The following ZNF701 variants were observed in gnomAD, a reference collection of about 807,000 sequenced individuals.
ZNF701 encodes zinc finger protein 701.
Under a neutral mutation model 7.1 loss-of-function variants are expected in ZNF701, and 6 were observed. The ratio of observed to expected loss-of-function variants is 0.84; its 90% CI spans 0.46 to 1.66. ZNF701 has a LOEUF of 1.66. ZNF701 is among the 40% of genes most tolerant of loss of function. The pLI is 0.01. For missense variants in ZNF701, 541 were observed against 559.2 expected (o/e 0.97, Z 0.33); for synonymous variants, 166 against 188.2 (o/e 0.88, Z 0.97).
chr19:52,591,954 G>GA (rs66635037), downstream of ZNF701: 43 of 452,314 alleles, frequency 9.5e-5, no homozygotes, highest in South Asian at 1.2e-3. Flanking sequence ...CAACTATACA[G>GA]AAAAAACTGT....
downstream of ZNF701, among the ~76,000 whole-genome samples, chr19:52,590,105 T>TTG (rs1377107776): frequency 4.5e-5 from 5 of 111,888 alleles, no homozygotes; most frequent in African/African-American, 1.8e-4. Flanking sequence ...GTTTTTTTTA[T>TTG]TGTTTTTTTT....
At chr19:52,595,752 A>T in the ZNF701 span, 5 of 1,585,648 alleles carry the variant, frequency 3.2e-6, no homozygotes, top group Non-Finnish European at 3.5e-6. Flanking sequence ...ATCAAGAAAG[A>T]TATTCATCAC....
At chr19:52,593,664 G>C in the ZNF701 span, among the ~76,000 whole-genome samples, 8 of 110,224 alleles carry the variant, frequency 7.3e-5, 2 homozygotes, top group South Asian at 2.5e-3. Context: ...GGGCGGAGGG[G>C]CTTCTCACTT....
intron 3 of ZNF701, among the ~76,000 whole-genome samples, chr19:52,577,583 G>C (rs768733634): frequency 6.6e-6 from 1 of 151,654 alleles, no homozygotes; most frequent in African/African-American, 2.4e-5. Flanking sequence ...GTGCTGAAGG[G>C]ACATGGTGAG....
chr19:52,592,163 A>T (rs7259768), downstream of ZNF701: 443,225 of 1,519,840 alleles, frequency 0.29, 65,990 homozygotes, highest in Admixed American at 0.37. Flanking sequence ...AAATGCCTGA[A>T]CCCTGCACAG....
At chr19:52,580,281 G>A (rs1419298937) in intron 3 of ZNF701, among the ~76,000 whole-genome samples, 1 of 151,950 alleles carries the variant, frequency 6.6e-6, no homozygotes, top group African/African-American at 2.4e-5. Context: ...TTATTTCTGT[G>A]TATGTTGCAT....
chr19:52,573,060 A>G, intron 1 of ZNF701: 1 of 202,568 alleles, frequency 4.9e-6, no homozygotes, highest in South Asian at 7.4e-5. Context: ...TGTCAGTCAC[A>G]TCAGAAACAC....
At chr19:52,573,261 T>C (rs533513039) in intron 1 of ZNF701, 1 of 153,476 alleles carries the variant, frequency 6.5e-6, no homozygotes, top group African/African-American at 2.4e-5. Flanking sequence ...TTATTTTATT[T>C]TTGAGTCTTA....
chr19:52,582,255 A>G lies in ZNF701; in HGVS notation c.196A>G (p.Thr66Ala), dbSNP rs138860824. ...GTTCTCATCAACAGGACAAGGCAATACAGAAGTGGTCCACACAGGGACATT... is the reference window on the plus strand; with the variant it reads ...GTTCTCATCAACAGGACAAGGCAATGCAGAAGTGGTCCACACAGGGACATT... ...KMFSSTGQGN[T>A]EVVHTGTLQI... Residue 66 changes from threonine (T) to alanine (A), a missense_variant, in exon 4 of 4, where the codon ACA (threonine) becomes GCA (alanine). Transcript: ENST00000391785. The G allele has an allele frequency of 3.7e-6, 6 of 1,608,748 alleles. No individual in the cohort carries two copies. In the African/African-American group the frequency reaches 8.0e-5, roughly 22 times the overall value.
In ZNF701 at chr19:52,585,577, TAACAAAAGAATGAAGC is replaced by T; in HGVS notation, c.*2121_*2136del. Reference sequence around the variant, plus strand: ...AGAAAAAAAAAAAAACCCCACAAAGTAACAAAAGAATGAAGCGGCGAAAGCAGAAATTTACTCAACC... The same window carrying T: ...AGAAAAAAAAAAAAACCCCACAAAGTGGCGAAAGCAGAAATTTACTCAACC... On this transcript the variant is annotated 3_prime_UTR_variant, in exon 4 of 4. Transcript: ENST00000391785. The T allele has an allele frequency of 6.8e-6, 1 of 147,192 alleles. No individual in the cohort carries two copies. The highest frequency in any genetic ancestry group is 2.0e-4 in the East Asian group (1 of 5,066). The allele number at this position is 147,192 out of a possible 1,614,324, so 9.1% of individuals were successfully genotyped here. A position where few individuals can be genotyped will look rare whatever the true frequency, so the allele number is the denominator to read the frequency against.
chr19:52,579,956 T>A (rs866141981), intron 3 of ZNF701, among the ~76,000 whole-genome samples: 1 of 143,052 alleles, frequency 7.0e-6, no homozygotes, highest in South Asian at 2.1e-4. Flanking sequence ...TATTATTATT[T>A]TTTTAGATGG....
the ZNF701 span, chr19:52,592,182 A>T: frequency 1.5e-4 from 235 of 1,562,590 alleles, no homozygotes; most frequent in Middle Eastern, 5.0e-4. Flanking sequence ...AGAGGGCTTT[A>T]TACAGGGAAG....
chr19:52,576,870 G>A (rs945484376), intron 3 of ZNF701, among the ~76,000 whole-genome samples: 2 of 152,182 alleles, frequency 1.3e-5, no homozygotes, highest in African/African-American at 4.8e-5. Context: ...AAGGGCCCTG[G>A]ACTGTGGAGA....
chr19:52,596,136 A>G, the ZNF701 span: 1 of 809,982 alleles, frequency 1.2e-6, no homozygotes, highest in Non-Finnish European at 2.1e-6. Context: ...GAGTGTGGCA[A>G]AGCCTTTAAT....
In ZNF701 at chr19:52,583,263, G is replaced by T; in HGVS notation, c.1204G>T (p.Val402Phe). Residue 402 changes from valine (V) to phenylalanine (F), a missense_variant, in exon 4 of 4, where the codon GTC becomes TTC. Coordinates refer to ENST00000391785, the MANE Select transcript of ZNF701 (RefSeq NM_018260.3). ...AAATTCATCTCTTGTAATGCATAAG[G>T]TCATTCATACTGGAGAGAAACGTTA... ...VQNSSLVMHK[V>F]IHTGEKRYKC... 1 of 1,609,654 alleles carries T rather than the reference G, an allele frequency of 6.2e-7. No homozygotes were observed. The highest frequency in any genetic ancestry group is 8.5e-7 in the Non-Finnish European group (1 of 1,176,950).
At chr19:52,575,424 TGTGA>T (rs903989470) in intron 2 of ZNF701, among the ~76,000 whole-genome samples, 13 of 150,828 alleles carry the variant, frequency 8.6e-5, no homozygotes, top group African/African-American at 2.7e-4. Flanking sequence ...CGTGGTTTTT[TGTGA>T]GTGTGTGTAG....
rs375222297 is a variant in ZNF701 at position 52,582,839 on chromosome 19, C to G, written c.780C>G (p.Cys260Trp). ...KDFHQKRYLACHRCHTGENPY... is the reference protein window; with the variant it reads ...KDFHQKRYLAWHRCHTGENPY... The stretch of plus-strand genomic sequence containing the variant: ...TTCATCAGAAGCGATACCTTGCATG[C>G]CATAGATGTCACACTGGTGAGAATC... Residue 260 changes from cysteine to tryptophan, a missense_variant, in exon 4 of 4, where the codon TGC (cysteine) becomes TGG (tryptophan). Coordinates refer to ENST00000391785, the MANE Select transcript of ZNF701 (RefSeq NM_018260.3). 1.9e-6 allele frequency: 3 copies of G among 1,613,988 alleles called. No homozygotes were observed. Among genetic ancestry groups the G allele is most frequent in the Non-Finnish European group, 2.5e-6 (3 of 1,180,020 alleles).
At chr19:52,588,686 CT>C, downstream of ZNF701, 1 of 285,546 alleles carries the variant, frequency 3.5e-6, no homozygotes, top group Non-Finnish European at 7.0e-6. Context: ...GGTAGCCAGT[CT>C]TCTGTGATTC....
Position 52,583,471 on chromosome 19 carries a change from C to T in ZNF701, c.*14C>T. On this transcript the variant is annotated 3_prime_UTR_variant, in exon 4 of 4. Coordinates refer to ENST00000391785, the MANE Select transcript of ZNF701 (RefSeq NM_018260.3). ...AAGAAATCTTAGAAGTGTAAATTTG[C>T]AAGGTTTTTAGGCAACAGTCAAACC... 1 of 1,609,334 alleles carries T rather than the reference C, an allele frequency of 6.2e-7. No homozygotes were observed. The highest frequency in any genetic ancestry group is 1.1e-5 in the South Asian group (1 of 90,544).
Sources: allele counts gnomAD v4.1 joint callset (sites outside exome capture counted in the v4.1 genomes callset), GRCh38; gene constraint gnomAD v4.1.1; transcripts MANE v1.5; gene names NCBI Gene and HGNC (gene_info 2026-07-23, HGNC 2026-07-21).